KCNQ5: variants seen among roughly 807,000 people sequenced by gnomAD.
KCNQ5 encodes potassium voltage-gated channel subfamily Q member 5.
In KCNQ5, 30 loss-of-function variants were observed where a neutral mutation model predicts 98.2. The ratio of observed to expected loss-of-function variants is 0.31; its 90% CI spans 0.23 to 0.41. The LOEUF (loss-of-function observed/expected upper bound fraction) is 0.41, where lower values mean the gene tolerates loss of function less well. Ranked by LOEUF, KCNQ5 falls within the 10% of genes least tolerant of loss-of-function variation. The pLI, the probability that KCNQ5 is intolerant of heterozygous loss-of-function variation, is 1.00. For synonymous variants in KCNQ5, 458 were observed against 449.4 expected, an observed-to-expected ratio of 1.02 and a Z score of -0.24; for missense variants, 835 against 1,182.5, an observed-to-expected ratio of 0.71 and a Z score of 4.31.
chr6:72,848,761 TAGTG>T (rs1400505984), intron 1 of KCNQ5, among the ~76,000 whole-genome samples: 4 of 152,178 alleles, frequency 2.6e-5, no homozygotes, highest in East Asian at 1.9e-4. Flanking sequence ...TGTTCTGTGA[TAGTG>T]AGTGAGTTCT....
At chr6:73,055,808 T>C in intron 3 of KCNQ5, 1 of 817,508 alleles carries the variant, frequency 1.2e-6, no homozygotes. Context: ...GAAGAGACCA[T>C]GTGCAAAGCC....
intron 12 of KCNQ5, 147 bp from the exon 13 acceptor site, chr6:73,192,418 A>G (rs915834646): frequency 3.3e-6 from 2 of 612,058 alleles, no homozygotes; most frequent in South Asian, 4.1e-5. Context: ...TCAAATAAGC[A>G]TATCAACTGG....
intron 1 of KCNQ5, among the ~76,000 whole-genome samples, chr6:72,920,897 G>A (rs775747378): frequency 5.3e-5 from 8 of 152,094 alleles, no homozygotes; most frequent in South Asian, 2.1e-4. Context: ...TTTGAGTTGC[G>A]TTCAATTGGG....
chr6:72,623,522 G>C (rs893800765), intron 1 of KCNQ5, among the ~76,000 whole-genome samples: 1 of 151,638 alleles, frequency 6.6e-6, no homozygotes, highest in Non-Finnish European at 1.5e-5. Context: ...CCTTTCAGTG[G>C]CTTTAAAGTT....
chr6:72,923,803 TTTTTGTTCCTGCA>T (rs1025812390), intron 1 of KCNQ5, among the ~76,000 whole-genome samples: 1 of 152,218 alleles, frequency 6.6e-6, no homozygotes, highest in Non-Finnish European at 1.5e-5. Context: ...AGTATTTGGT[TTTTTGTTCCTGCA>T]TTAGTTCACT....
intron 1 of KCNQ5, among the ~76,000 whole-genome samples, chr6:72,850,339 C>T (rs1777201529): frequency 6.6e-6 from 1 of 152,188 alleles, no homozygotes; most frequent in Non-Finnish European, 1.5e-5. Flanking sequence ...TCTATAATGG[C>T]ATTCATTTCA....
intron 1 of KCNQ5, among the ~76,000 whole-genome samples, chr6:72,980,317 T>G (rs1347702186): frequency 6.6e-6 from 1 of 152,230 alleles, no homozygotes; most frequent in Non-Finnish European, 1.5e-5. Flanking sequence ...GAGCATGGAA[T>G]GTTCTTCCAT....
intron 2 of KCNQ5, among the ~76,000 whole-genome samples, chr6:73,027,402 A>G (rs569474276): frequency 8.2e-4 from 125 of 152,314 alleles, no homozygotes; most frequent in African/African-American, 2.9e-3. Context: ...AGCTAGCTGT[A>G]GCTTATTGGA....
intron 10 of KCNQ5, among the ~76,000 whole-genome samples, chr6:73,156,154 AG>A (rs1306062884): frequency 6.6e-6 from 1 of 152,166 alleles, no homozygotes; most frequent in Non-Finnish European, 1.5e-5. Flanking sequence ...AGAGGGTGGC[AG>A]GGGGTGAGTA....
intron 3 of KCNQ5, among the ~76,000 whole-genome samples, chr6:73,074,014 C>T (rs1194003836): frequency 6.6e-6 from 1 of 152,080 alleles, no homozygotes; most frequent in Non-Finnish European, 1.5e-5. Context: ...AGGTTGATAT[C>T]CCAGTCAACA....
At chr6:72,865,459 C>G (rs1777940205) in intron 1 of KCNQ5, among the ~76,000 whole-genome samples, 1 of 152,164 alleles carries the variant, frequency 6.6e-6, no homozygotes, top group Non-Finnish European at 1.5e-5. Flanking sequence ...TCGAACCTAT[C>G]TCAGGTCATA....
chr6:72,700,162 C>A (rs961652483), intron 1 of KCNQ5, among the ~76,000 whole-genome samples: 2 of 152,156 alleles, frequency 1.3e-5, no homozygotes, highest in African/African-American at 4.8e-5. Context: ...GTTATCCCAA[C>A]TCTTAAATGG....
At chr6:72,775,073 A>G (rs1260216613) in intron 1 of KCNQ5, among the ~76,000 whole-genome samples, 1 of 152,208 alleles carries the variant, frequency 6.6e-6, no homozygotes. Flanking sequence ...GCACAGCAAC[A>G]GAAGGAAACA....
intron 1 of KCNQ5, among the ~76,000 whole-genome samples, chr6:72,984,463 T>G (rs1295648472): frequency 2.0e-5 from 3 of 152,190 alleles, no homozygotes; most frequent in Non-Finnish European, 4.4e-5. Context: ...AGTTTGATCT[T>G]GGACTGCTGT....
At chr6:73,009,697 G>A (rs1354879100) in intron 2 of KCNQ5, among the ~76,000 whole-genome samples, 2 of 152,238 alleles carry the variant, frequency 1.3e-5, no homozygotes, top group South Asian at 2.1e-4. Context: ...TGGGAATATT[G>A]CTACTGATTC....
At chr6:73,162,138 G>T (rs1777637300) in intron 10 of KCNQ5, among the ~76,000 whole-genome samples, 2 of 151,452 alleles carry the variant, frequency 1.3e-5, no homozygotes, top group Admixed American at 1.3e-4. Context: ...TGTTGGCCAG[G>T]CTAGTCTCGA....
chr6:72,623,226 C>G (rs898037464), intron 1 of KCNQ5, among the ~76,000 whole-genome samples: 4 of 152,176 alleles, frequency 2.6e-5, no homozygotes, highest in Non-Finnish European at 5.9e-5. Flanking sequence ...AGGAGGCCAG[C>G]AGGCCAGGCG....
intron 10 of KCNQ5, 31 bp from the exon 11 acceptor site, chr6:73,169,715 G>A (rs1777933820): frequency 1.4e-6 from 2 of 1,433,844 alleles, no homozygotes; most frequent in South Asian, 1.1e-5. Context: ...GCGGATGGTG[G>A]TGTTATTTAA....
In KCNQ5 at chr6:72,878,485, C is replaced by G. The variant is rs537584384; in HGVS notation, c.399-125423C>G. Among the ~76,000 whole-genome samples, 20 of 152,168 alleles carry G rather than the reference C, an allele frequency of 1.3e-4. No individual in the cohort carries two copies. The East Asian group carries it at 3.3e-3, about 25-fold the overall frequency. ...TGAAAGCATTCTCACTTCCTGGTAA[C>G]AATTACATAGTTCAAATACAACTTT... On this transcript the variant is annotated intron_variant, in intron 1 of 13. Transcript: ENST00000370398.
Sources: gnomAD v4.1 joint callset for allele counts (sites outside exome capture counted in the v4.1 genomes callset) on GRCh38, gnomAD v4.1.1 for gene constraint, MANE v1.5 for transcripts, NCBI Gene and HGNC (gene_info 2026-07-23, HGNC 2026-07-21) for gene names.